MROH1: variants seen among roughly 807,000 people sequenced by gnomAD.
MROH1 encodes maestro heat like repeat family member 1.
MROH1 carries 117 observed loss-of-function variants against 116.5 expected under a neutral mutation model. The ratio of observed to expected loss-of-function variants is 1.00; its 90% CI spans 0.86 to 1.17. The LOEUF (loss-of-function observed/expected upper bound fraction) is 1.17, where lower values mean the gene tolerates loss of function less well. MROH1 is among the 50% of genes most tolerant of loss of function. The pLI, the probability that MROH1 is intolerant of heterozygous loss-of-function variation, is 0.00. For synonymous variants in MROH1, 921 were observed against 583.9 expected (o/e 1.58, Z -8.32); for missense variants, 1,873 against 1,338.5 (o/e 1.40, Z -6.23).
intron 35 of MROH1, among the ~76,000 whole-genome samples, chr8:144,258,337 C>G (rs1283964485): frequency 6.6e-6 from 1 of 152,220 alleles, no homozygotes; most frequent in Non-Finnish European, 1.5e-5. Flanking sequence ...GGGAGTGGAT[C>G]AGGGGCCTGC....
At chr8:144,178,227 G>A (rs1321311836) in intron 4 of MROH1, among the ~76,000 whole-genome samples, 4 of 152,110 alleles carry the variant, frequency 2.6e-5, no homozygotes, top group East Asian at 1.9e-4. Flanking sequence ...TGCCTCCCGG[G>A]TTCAAGCGAT....
intron 1 of MROH1, among the ~76,000 whole-genome samples, chr8:144,159,209 T>C (rs1818893498): frequency 6.6e-6 from 1 of 152,132 alleles, no homozygotes; most frequent in Non-Finnish European, 1.5e-5. Context: ...AATACAAAAA[T>C]TAGCCAGGTA....
Position 144,179,478 on chromosome 8 carries a change from G to A in MROH1, c.192G>A (p.Ala64=), listed in dbSNP as rs775405155. 13 of 1,613,378 alleles carry A rather than the reference G, an allele frequency of 8.1e-6. No individual in the cohort carries two copies. The highest frequency in any genetic ancestry group is 2.7e-5 in the African/African-American group (2 of 74,898). Residue 64 remains alanine (A), a synonymous_variant, in exon 5 of 44, where the codon GCG becomes GCA. Coordinates refer to ENST00000326134, the MANE Select transcript of MROH1 (RefSeq NM_032450.3). ...AGCTGGCACACCCATACCGAGCAGCGGTCCTGAGGGCCATGGAGAGGGTCC... is the reference window on the plus strand; with the variant it reads ...AGCTGGCACACCCATACCGAGCAGCAGTCCTGAGGGCCATGGAGAGGGTCC... ...HDKLAHPYRA[A]VLRAMERVLS... is the part of the protein sequence containing the mutation.
chr8:144,239,405 G>A lies in MROH1; in HGVS notation c.1632+42G>A, dbSNP rs1194661520. On this transcript the variant is annotated intron_variant, in intron 17 of 43. Transcript: ENST00000326134. ...CACAGCGTGCCCAGCGCCCCACTCT[G>A]TGTCCCTGTGCTCCACCCAGGCTTG... 1.2e-5 allele frequency: 9 copies of A among 780,414 alleles called. No individual in the cohort carries two copies. The Admixed American group carries it at 1.5e-4, about 13-fold the overall frequency. 48.3% of individuals were successfully genotyped at this position (780,414 alleles called of 1,614,324 possible). A position where few individuals can be genotyped will look rare whatever the true frequency, so the allele number is the denominator to read the frequency against.
At chr8:144,194,278 G>A (rs557494567) in intron 10 of MROH1, among the ~76,000 whole-genome samples, 102 of 149,886 alleles carry the variant, frequency 6.8e-4, no homozygotes, top group South Asian at 1.3e-3. Context: ...GGCCAGGCTG[G>A]TCACGAACTC....
intron 12 of MROH1, 28 bp from the exon 13 acceptor site, chr8:144,220,572 G>A: frequency 6.4e-7 from 1 of 1,555,198 alleles, no homozygotes; most frequent in Non-Finnish European, 8.7e-7. Context: ...TCAGTGGTAG[G>A]CTGAGCTGTC....
intron 12 of MROH1, among the ~76,000 whole-genome samples, chr8:144,206,492 G>A (rs1427344912): frequency 6.7e-6 from 1 of 148,634 alleles, no homozygotes; most frequent in African/African-American, 2.5e-5. Flanking sequence ...GCACGATCTC[G>A]GCTCACTGCA....
rs955335355 is a variant in MROH1, at chr8:144,239,629, C to T, written c.1648C>T (p.Pro550Ser). The T allele has an allele frequency of 3.4e-5, 26 of 771,880 alleles. No homozygotes were observed. The highest frequency in any genetic ancestry group is 1.2e-4 in the Admixed American group (7 of 57,782). The allele number at this position is 771,880 out of a possible 1,614,324, so 47.8% of individuals were successfully genotyped here. Residue 550 changes from proline (P) to serine (S), a missense_variant, in exon 18 of 44, where the codon CCC becomes TCC. Coordinates refer to ENST00000326134, the MANE Select transcript of MROH1 (RefSeq NM_032450.3). ...CTCTTTTCAGGTTGTGTCTTCCAGC[C>T]CCTACCTAGGGGACGGACGTGGGGC... ...TGRLLVVSSS[P>S]YLGDGRGAAA...
chr8:144,180,153 C>G lies in MROH1; in HGVS notation c.301-25C>G. The G allele has an allele frequency of 6.2e-7, 1 of 1,612,830 alleles. No individual in the cohort carries two copies. Among genetic ancestry groups the G allele is most frequent in the Non-Finnish European group, 8.5e-7 (1 of 1,179,144 alleles). On this transcript the variant is annotated intron_variant, in intron 5 of 43. Coordinates refer to ENST00000326134, the MANE Select transcript of MROH1 (RefSeq NM_032450.3). This position sits in a 1 kb window ranked among gnomAD's most constrained non-coding sequence, Gnocchi z 7.4. The stretch of plus-strand genomic sequence containing the variant: ...GAATGTCTTGGTCTTGCCTTTTGGT[C>G]TACCTGCCGGTGTTTTGGGTTCAGG...
At chr8:144,259,448 C>T (rs1844552259) in intron 37 of MROH1, 94 bp downstream of exon 37, 3 of 705,268 alleles carry the variant, frequency 4.3e-6, no homozygotes, top group Non-Finnish European at 7.8e-6. Context: ...AAAAGGCCCC[C>T]TCGACCGTGG....
In MROH1 at chr8:144,164,742, G is replaced by GA. The variant is rs1034907382; in HGVS notation, c.22+904dup. ...ACATGCTCTCTCCAGGTTTTCATCA[G>GA]AAAAAAAAAATTAGCAGTTTTCAAA... On this transcript the variant is annotated intron_variant, in intron 3 of 43. Transcript: ENST00000326134. Among the ~76,000 whole-genome samples, 5 of 149,490 alleles carry GA rather than the reference G, an allele frequency of 3.3e-5. No homozygotes were observed. In the East Asian group the frequency reaches 5.9e-4, roughly 18 times the overall value.
At chr8:144,239,516 C>T (rs1201837177) in intron 17 of MROH1, 98 bp from the exon 18 acceptor site, 2 of 758,650 alleles carry the variant, frequency 2.6e-6, no homozygotes, top group African/African-American at 1.7e-5. Flanking sequence ...TTGGGAAGAG[C>T]CAGGCTCCCC....
intron 12 of MROH1, among the ~76,000 whole-genome samples, chr8:144,206,430 T>C (rs565324200): frequency 3.4e-4 from 52 of 151,902 alleles, no homozygotes; most frequent in African/African-American, 1.2e-3. Flanking sequence ...ATGTTCTTTT[T>C]TTTTTTTTTG....
At chr8:144,185,903 G>C (rs1827015641) in intron 7 of MROH1, among the ~76,000 whole-genome samples, 1 of 143,316 alleles carries the variant, frequency 7.0e-6, no homozygotes, top group East Asian at 2.1e-4. Context: ...GAGGGGTGGC[G>C]GGGGGGCGGC....
chr8:144,195,855 A>G (rs950535062), intron 10 of MROH1, among the ~76,000 whole-genome samples: 1 of 151,920 alleles, frequency 6.6e-6, no homozygotes, highest in Non-Finnish European at 1.5e-5. Context: ...GGGACCACAA[A>G]TCATGCTACT....
At chr8:144,248,212 C>T (rs953547764) in intron 31 of MROH1, among the ~76,000 whole-genome samples, 4 of 152,154 alleles carry the variant, frequency 2.6e-5, no homozygotes, top group Non-Finnish European at 5.9e-5. Context: ...CCCTGGGCAC[C>T]GCGTCCCCTC....
intron 35 of MROH1, among the ~76,000 whole-genome samples, chr8:144,256,325 TCCCACCCA>T (rs1386351980): frequency 1.3e-5 from 2 of 151,160 alleles, no homozygotes; most frequent in African/African-American, 4.9e-5. Flanking sequence ...TCTGGTTCCA[TCCCACCCA>T]GGCGCCCAGG....
Position 144,191,875 on chromosome 8 carries a change from G to A in MROH1, c.855+20G>A. The A allele has an allele frequency of 6.2e-7, 1 of 1,612,544 alleles. No homozygotes were observed. Among genetic ancestry groups the A allele is most frequent in the Non-Finnish European group, 8.5e-7 (1 of 1,179,810 alleles). On this transcript the variant is annotated intron_variant, in intron 9 of 43. Coordinates refer to ENST00000326134, the MANE Select transcript of MROH1 (RefSeq NM_032450.3). Reference sequence around the variant, plus strand: ...TCCAAGGTATCTGCAGGCAGGGCAGGTCTACTGTCCCCGAGGACCCCTCCA... The same window carrying A: ...TCCAAGGTATCTGCAGGCAGGGCAGATCTACTGTCCCCGAGGACCCCTCCA...
At chr8:144,161,515 C>T (rs1479526595) in intron 2 of MROH1, among the ~76,000 whole-genome samples, 1 of 152,166 alleles carries the variant, frequency 6.6e-6, no homozygotes, top group Non-Finnish European at 1.5e-5. Context: ...AGGACTGGGT[C>T]CTCTCTCCAG....
Sources: gnomAD v4.1 joint callset for allele counts (sites outside exome capture counted in the v4.1 genomes callset) on GRCh38, gnomAD v4.1.1 for gene constraint, Gnocchi (gnomAD v3.1) non-coding constraint, MANE v1.5 for transcripts, NCBI Gene and HGNC (gene_info 2026-07-23, HGNC 2026-07-21) for gene names.